EIF2B3: variants seen among roughly 807,000 people sequenced by gnomAD.
EIF2B3 encodes translation initiation factor eIF2B subunit gamma.
Under a neutral mutation model 54.1 loss-of-function variants are expected in EIF2B3, and 20 were observed. That is an observed-to-expected ratio of 0.37 (90% confidence interval 0.26 to 0.54). EIF2B3 has a LOEUF of 0.54. Among genes scored for constraint, EIF2B3 ranks in the 20% least tolerant of loss-of-function variants. The pLI, the probability that EIF2B3 is intolerant of heterozygous loss-of-function variation, is 0.86. For missense variants in EIF2B3, 448 were observed against 547.8 expected (o/e 0.82, Z 1.82); for synonymous variants, 153 against 188.1 (o/e 0.81, Z 1.52).
intron 1 of EIF2B3, among the ~76,000 whole-genome samples, chr1:44,984,796 TC>T (rs1453382166): frequency 3.1e-5 from 3 of 97,496 alleles, no homozygotes; most frequent in Non-Finnish European, 5.6e-5. Flanking sequence ...ATAATGTCCA[TC>T]TTTTTTTTTT....
chr1:44,936,697 ACT>A (rs924923648), intron 4 of EIF2B3, among the ~76,000 whole-genome samples: 3 of 152,170 alleles, frequency 2.0e-5, no homozygotes, highest in African/African-American at 4.8e-5. Flanking sequence ...AAACAAAAAC[ACT>A]CTGATATTCT....
chr1:44,859,602 G>T (rs1361093345), intron 10 of EIF2B3, among the ~76,000 whole-genome samples: 2 of 151,804 alleles, frequency 1.3e-5, no homozygotes, highest in Non-Finnish European at 2.9e-5. Context: ...AGGTTGCAGT[G>T]AGCCAAGATT....
chr1:44,974,980 T>C (rs1644438297), intron 3 of EIF2B3, among the ~76,000 whole-genome samples: 1 of 152,130 alleles, frequency 6.6e-6, no homozygotes, highest in Non-Finnish European at 1.5e-5. Context: ...TTTAGGAGAC[T>C]GAAGTGGGAG....
chr1:44,954,843 T>C (rs1265075227), intron 3 of EIF2B3, among the ~76,000 whole-genome samples: 1 of 152,318 alleles, frequency 6.6e-6, no homozygotes, highest in African/African-American at 2.4e-5. Flanking sequence ...CCATTCAGTA[T>C]GATATTGGCT....
chr1:44,875,261 T>C (rs1655084327), intron 9 of EIF2B3, among the ~76,000 whole-genome samples: 3 of 152,154 alleles, frequency 2.0e-5, no homozygotes, highest in Non-Finnish European at 4.4e-5. Context: ...GTAGGACCCA[T>C]ACCAGATAAA....
chr1:44,923,963 CAG>C (rs1448354168), intron 5 of EIF2B3, among the ~76,000 whole-genome samples: 1 of 137,664 alleles, frequency 7.3e-6, no homozygotes, highest in Middle Eastern at 3.9e-3. Context: ...TTTTTTGAGA[CAG>C]AGTCTCGCTG....
rs1225964154 is a variant in EIF2B3 at position 44,926,618 on chromosome 1, T to A, written c.566+10A>T. ...GGAGAATTGCCAGAAGAAAAAACCC[T>A]AGGGCTTACTTCTGTAGGATGGATC... is the stretch of plus-strand genomic sequence containing the variant. On this transcript the variant is annotated intron_variant, in intron 5 of 11. Transcript: ENST00000360403. The A allele has an allele frequency of 6.2e-7, 1 of 1,608,656 alleles. No homozygotes were observed.
chr1:44,922,403 A>G (rs1290111126), intron 5 of EIF2B3, among the ~76,000 whole-genome samples: 1 of 150,862 alleles, frequency 6.6e-6, no homozygotes, highest in Non-Finnish European at 1.5e-5. Context: ...CCTGGGCAAC[A>G]TGGTGAAACC....
chr1:44,965,634 CTTTTTTTTT>C (rs386366856), intron 3 of EIF2B3, among the ~76,000 whole-genome samples: 23 of 102,410 alleles, frequency 2.2e-4, no homozygotes, highest in African/African-American at 8.7e-4. Flanking sequence ...ACAAATGCAT[CTTTTTTTTT>C]TTTTTTTTTT....
intron 10 of EIF2B3, among the ~76,000 whole-genome samples, chr1:44,870,861 C>T (rs1038339909): frequency 7.2e-5 from 11 of 152,102 alleles, no homozygotes; most frequent in Admixed American, 1.3e-4. Flanking sequence ...CCATGTTGCC[C>T]AGGCTGGTCT....
chr1:44,921,192 T>C (rs973373007), intron 5 of EIF2B3, among the ~76,000 whole-genome samples: 16 of 152,364 alleles, frequency 1.1e-4, no homozygotes, highest in Middle Eastern at 3.4e-3. Flanking sequence ...TATGACTTCT[T>C]TTGAGAAATG....
intron 3 of EIF2B3, among the ~76,000 whole-genome samples, chr1:44,945,591 GA>G (rs10715029): frequency 0.48 from 69,322 of 145,494 alleles, 17,098 homozygotes; most frequent in African/African-American, 0.62. Context: ...ATCTCTTTAG[GA>G]AAAAAAAAAA....
chr1:44,878,799 C>T (rs1228810533), intron 8 of EIF2B3, among the ~76,000 whole-genome samples: 2 of 150,766 alleles, frequency 1.3e-5, no homozygotes, highest in East Asian at 3.9e-4. Flanking sequence ...GTTGCTTAGG[C>T]TTAGGCTGGA....
At chr1:44,877,783 A>T (rs1249145687) in intron 8 of EIF2B3, among the ~76,000 whole-genome samples, 1 of 152,206 alleles carries the variant, frequency 6.6e-6, no homozygotes, top group African/African-American at 2.4e-5. Flanking sequence ...CAGCATAGAC[A>T]GAATGCTGGT....
intron 3 of EIF2B3, among the ~76,000 whole-genome samples, chr1:44,945,205 T>C (rs1349886232): frequency 6.6e-6 from 1 of 151,940 alleles, no homozygotes; most frequent in Non-Finnish European, 1.5e-5. Context: ...TGTTTCCTAC[T>C]CTTCTGCTTA....
chr1:44,911,181 C>A (rs368099932), intron 5 of EIF2B3, among the ~76,000 whole-genome samples: 92 of 152,306 alleles, frequency 6.0e-4, no homozygotes, highest in Middle Eastern at 6.8e-3. Flanking sequence ...TTTTAACCAG[C>A]ATCTCACTTG....
intron 3 of EIF2B3, among the ~76,000 whole-genome samples, chr1:44,951,954 A>AATTTTTTTTTTTTTTTT (rs1644166853): frequency 2.2e-5 from 1 of 44,672 alleles, no homozygotes; most frequent in Non-Finnish European, 3.6e-5. Flanking sequence ...TGCCTGGCTA[A>AATTTTTTTTTTTTTTTT]TTTTTTTTTT....
Position 44,905,456 on chromosome 1 carries a change from A to T in EIF2B3, c.567-8012T>A, listed in dbSNP as rs958404095. On this transcript the variant is annotated intron_variant, in intron 5 of 11. Coordinates refer to ENST00000360403, the MANE Select transcript of EIF2B3 (RefSeq NM_020365.5). ...CAGGCTCAACACTAGACACAGAAAC[A>T]ACAGCATACATACACTACTCTACGA... Among the ~76,000 whole-genome samples, 6 of 152,338 alleles carry T rather than the reference A, an allele frequency of 3.9e-5. No individual in the cohort carries two copies. In the South Asian group the frequency reaches 1.2e-3, roughly 32 times the overall value.
At chr1:44,934,066 G>T (rs1416800184) in intron 4 of EIF2B3, among the ~76,000 whole-genome samples, 1 of 150,174 alleles carries the variant, frequency 6.7e-6, no homozygotes, top group Non-Finnish European at 1.5e-5. Context: ...AGGTTGCGGT[G>T]AGCCAAGATC....
Sources: allele counts gnomAD v4.1 joint callset (sites outside exome capture counted in the v4.1 genomes callset), GRCh38; gene constraint gnomAD v4.1.1; transcripts MANE v1.5; gene names NCBI Gene and HGNC (gene_info 2026-07-23, HGNC 2026-07-21).